Variants in PCLO observed in about 807,000 individuals in gnomAD.
PCLO encodes piccolo presynaptic cytomatrix protein.
PCLO carries 82 observed loss-of-function variants against 427.5 expected under a neutral mutation model. The ratio of observed to expected loss-of-function variants is 0.19; its 90% CI spans 0.16 to 0.23. The LOEUF is 0.23. Ranked by LOEUF, PCLO falls within the 10% of genes least tolerant of loss-of-function variation. The pLI, the probability that PCLO is intolerant of heterozygous loss-of-function variation, is 1.00. For synonymous variants in PCLO, 2,357 were observed against 2,155.4 expected (o/e 1.09, Z -2.59); for missense variants, 6,239 against 6,115.9 (o/e 1.02, Z -0.67).
chr7:82,910,556 T>A (rs1374342022), intron 7 of PCLO, among the ~76,000 whole-genome samples: 1 of 152,134 alleles, frequency 6.6e-6, no homozygotes, highest in South Asian at 2.1e-4. Context: ...ATATTGTCTT[T>A]TTTTTCCCCT....
chr7:83,124,980 T>C (rs11972138), intron 3 of PCLO, among the ~76,000 whole-genome samples: 74,644 of 152,076 alleles, frequency 0.49, 19,258 homozygotes, highest in East Asian at 0.69. Context: ...GGTCTCCAGC[T>C]CCTGACCTCG....
intron 3 of PCLO, among the ~76,000 whole-genome samples, chr7:83,013,954 C>T (rs1717342217): frequency 6.6e-6 from 1 of 152,020 alleles, no homozygotes; most frequent in Non-Finnish European, 1.5e-5. Flanking sequence ...TGTAGAATAG[C>T]AATTCTTTAA....
intron 22 of PCLO, among the ~76,000 whole-genome samples, chr7:82,771,049 G>A (rs981377318): frequency 3.6e-4 from 54 of 151,854 alleles, no homozygotes; most frequent in Non-Finnish European, 4.9e-4. Context: ...GTTACCGTGT[G>A]TTTGAAAGAG....
intron 3 of PCLO, among the ~76,000 whole-genome samples, chr7:82,974,343 G>A (rs1342306952): frequency 2.6e-5 from 4 of 152,118 alleles, no homozygotes; most frequent in Non-Finnish European, 5.9e-5. Context: ...TTGAGATCAC[G>A]CCACTGTGTG....
chr7:82,974,663 A>C (rs960913942), intron 3 of PCLO, among the ~76,000 whole-genome samples: 3 of 152,216 alleles, frequency 2.0e-5, no homozygotes, highest in Non-Finnish European at 4.4e-5. Flanking sequence ...TATAAAAATA[A>C]TCAATAGTTT....
intron 10 of PCLO, among the ~76,000 whole-genome samples, chr7:82,853,193 C>T (rs1216342938): frequency 1.3e-5 from 2 of 151,988 alleles, no homozygotes; most frequent in Non-Finnish European, 2.9e-5. Flanking sequence ...ATTATTATTG[C>T]TATTATTTTT....
chr7:82,940,687 CT>C (rs5885318), intron 6 of PCLO, among the ~76,000 whole-genome samples: 28 of 142,734 alleles, frequency 2.0e-4, no homozygotes, highest in Non-Finnish European at 2.4e-4. Context: ...AGAAGTACTC[CT>C]TTTTTTTTTA....
chr7:82,989,704 T>G (rs963623745), intron 3 of PCLO, among the ~76,000 whole-genome samples: 9 of 152,188 alleles, frequency 5.9e-5, no homozygotes, highest in Non-Finnish European at 1.3e-4. Flanking sequence ...ATAATCTCTG[T>G]AGACAGTGAG....
At chr7:83,000,914 T>C (rs1787807654) in intron 3 of PCLO, among the ~76,000 whole-genome samples, 1 of 152,066 alleles carries the variant, frequency 6.6e-6, no homozygotes, top group African/African-American at 2.4e-5. Flanking sequence ...ATATATAGGT[T>C]ACTGTCAATT....
chr7:83,142,358 C>T (rs891313946), intron 2 of PCLO, among the ~76,000 whole-genome samples: 1 of 152,148 alleles, frequency 6.6e-6, no homozygotes, highest in Admixed American at 6.6e-5. Flanking sequence ...TTTCTGCAAA[C>T]CGTAACATCT....
intron 3 of PCLO, among the ~76,000 whole-genome samples, chr7:83,067,752 C>A (rs1471178466): frequency 2.0e-5 from 3 of 152,194 alleles, no homozygotes; most frequent in African/African-American, 7.2e-5. Flanking sequence ...TAAGATGCAT[C>A]ATCTTTATAC....
chr7:82,944,962 T>C (rs1216100562), intron 6 of PCLO, among the ~76,000 whole-genome samples: 1 of 152,208 alleles, frequency 6.6e-6, no homozygotes, highest in East Asian at 1.9e-4. Context: ...GATAAATTAA[T>C]AAAAATCACT....
At chr7:83,153,587 GC>G (rs1792192067) in intron 2 of PCLO, among the ~76,000 whole-genome samples, 1 of 152,152 alleles carries the variant, frequency 6.6e-6, no homozygotes, top group African/African-American at 2.4e-5. Context: ...TGGGCTGTTT[GC>G]AGATGTAATG....
At chr7:82,911,768 G>A (rs966622287) in intron 7 of PCLO, among the ~76,000 whole-genome samples, 3 of 151,868 alleles carry the variant, frequency 2.0e-5, no homozygotes, top group African/African-American at 7.3e-5. Flanking sequence ...GACTACAGAC[G>A]TGTGCCACTA....
chr7:82,842,958 T>A (rs1349513258), intron 13 of PCLO, among the ~76,000 whole-genome samples: 1 of 152,078 alleles, frequency 6.6e-6, no homozygotes, highest in African/African-American at 2.4e-5. Context: ...TTGGTGGGAA[T>A]GTAAATTGAT....
At chr7:82,807,618 T>C (rs1240987839) in intron 20 of PCLO, among the ~76,000 whole-genome samples, 3 of 152,088 alleles carry the variant, frequency 2.0e-5, no homozygotes, top group Admixed American at 2.0e-4. Context: ...CTTCACTTTT[T>C]CAATTTCGTC....
At chr7:83,096,804 A>AT (rs556750782) in intron 3 of PCLO, among the ~76,000 whole-genome samples, 367 of 45,838 alleles carry the variant, frequency 8.0e-3, no homozygotes, top group Non-Finnish European at 9.2e-3. Context: ...AAAATATATT[A>AT]ATATTATATA....
chr7:82,973,122 G>T (rs62458571), intron 3 of PCLO, among the ~76,000 whole-genome samples: 2,052 of 152,062 alleles, frequency 0.013, 28 homozygotes, highest in South Asian at 0.058. Flanking sequence ...ACAATCGATT[G>T]TTCAGACTAC....
rs547848770 is a variant in PCLO, at chr7:82,975,862, C to T, written c.3301-9375G>A. Among the ~76,000 whole-genome samples, 6 of 152,274 alleles carry T rather than the reference C, an allele frequency of 3.9e-5. No homozygotes were observed. In the East Asian group the frequency reaches 1.2e-3, roughly 29 times the overall value. On this transcript the variant is annotated intron_variant, in intron 3 of 24. Coordinates refer to ENST00000333891, the MANE Select transcript of PCLO (RefSeq NM_033026.6). ...AGTGGCAGTTTCCCCTGCACTTTCT[C>T]TCTCCTACCACCTTGTGAAGAAGGT...
Sources: allele counts gnomAD v4.1 joint callset (sites outside exome capture counted in the v4.1 genomes callset), GRCh38; gene constraint gnomAD v4.1.1; transcripts MANE v1.5; gene names NCBI Gene and HGNC (gene_info 2026-07-23, HGNC 2026-07-21).